The following CAMSAP1 variants were observed in gnomAD, a reference collection of about 807,000 sequenced individuals.
The protein encoded by CAMSAP1 is calmodulin-regulated spectrin-associated protein 1.
Under a neutral mutation model 143.5 loss-of-function variants are expected in CAMSAP1, and 58 were observed. The ratio of observed to expected loss-of-function variants is 0.40; its 90% CI spans 0.33 to 0.50. CAMSAP1 has a LOEUF of 0.50. Among genes scored for constraint, CAMSAP1 ranks in the 20% least tolerant of loss-of-function variants. CAMSAP1 has a pLI of 0.45. For synonymous variants in CAMSAP1, 945 were observed against 859.3 expected (o/e 1.10, Z -1.74); for missense variants, 1,969 against 2,115.7 (o/e 0.93, Z 1.36).
At position 135,820,640 on chromosome 9, in the gene CAMSAP1, G is replaced by A. The variant is rs1386879816; in HGVS notation, c.3822+199C>T. 1.3e-5 allele frequency among the ~76,000 whole-genome samples: 2 copies of A among 152,142 alleles called. No homozygotes were observed. Among genetic ancestry groups the A allele is most frequent in the Non-Finnish European group, 2.9e-5 (2 of 68,038 alleles). ...AGCCACACCACGCTCACTTGCATGC[G>A]TATTGCCCGGGACTGCTTCTGGCCA... is the stretch of plus-strand genomic sequence containing the variant. On this transcript the variant is annotated intron_variant, in intron 11 of 16. Coordinates refer to ENST00000389532, the MANE Select transcript of CAMSAP1 (RefSeq NM_015447.4). This position sits in a 1 kb window ranked among gnomAD's most constrained non-coding sequence, Gnocchi z 4.4.
chr9:135,834,017 T>C (rs1192024636), intron 7 of CAMSAP1, among the ~76,000 whole-genome samples: 2 of 152,194 alleles, frequency 1.3e-5, no homozygotes, highest in Non-Finnish European at 2.9e-5. Flanking sequence ...GGCATTTTTT[T>C]CCAAAGAAGA....
At position 135,822,592 on chromosome 9, in the gene CAMSAP1, G is replaced by A. The variant is rs574324363; in HGVS notation, c.2069C>T (p.Pro690Leu). Residue 690 changes from proline (P) to leucine (L), a missense_variant, in exon 11 of 17, where the codon CCG becomes CTG. Pro to Leu is a moderately conservative substitution (Grantham distance 98). Around this residue, in one of 4 missense-constraint regions of CAMSAP1, gnomAD observed 1,390 missense variants for 1,420.8 expected, o/e 0.98. Coordinates refer to ENST00000389532, the MANE Select transcript of CAMSAP1 (RefSeq NM_015447.4). This position sits in a 1 kb window ranked among gnomAD's most constrained non-coding sequence, Gnocchi z 6.1. ...GGPLALGGFD[P>L]FPQGPSTDGF... ...ATCCGTGGATGGTCCCTGGGGGAAC[G>A]GATCGAATCCGCCAAGGGCCAGAGG... 15 of 1,613,350 alleles carry A rather than the reference G, an allele frequency of 9.3e-6. No homozygotes were observed. The highest frequency in any genetic ancestry group is 6.6e-5 in the South Asian group (6 of 91,038).
chr9:135,815,081 G>GA lies in CAMSAP1; in HGVS notation c.4506+15dup, dbSNP rs773877792. 1 of 1,563,876 alleles carries GA rather than the reference G, an allele frequency of 6.4e-7. No homozygotes were observed. Among genetic ancestry groups the GA allele is most frequent in the South Asian group, 1.1e-5 (1 of 88,058 alleles). ...TTTATTCCACATAAAAACTGAGGTT[G>GA]AAACATGATACTTGCCTCCAATATG... On this transcript the variant is annotated intron_variant, in intron 16 of 16. Transcript: ENST00000389532.
chr9:135,885,763 G>A (rs1331695919), intron 1 of CAMSAP1, among the ~76,000 whole-genome samples: 2 of 152,162 alleles, frequency 1.3e-5, no homozygotes, highest in East Asian at 3.8e-4. Flanking sequence ...ATAAATTTCA[G>A]ATGCAGGAAA....
In CAMSAP1 at chr9:135,886,416, G is replaced by A. The variant is rs145043467; in HGVS notation, c.161-3338C>T. On this transcript the variant is annotated intron_variant, in intron 1 of 16. Transcript: ENST00000389532. ...GATGTGCAGGTGGAGAAGTTTCTTA[G>A]GGAAGGAAGCAGCCAGTAGGGGGGT... Among the ~76,000 whole-genome samples the A allele has an allele frequency of 7.0e-3, 1,071 of 152,292 alleles. 5 individuals are homozygous for A. Among genetic ancestry groups the A allele is most frequent in the Non-Finnish European group, 0.011 (741 of 68,008 alleles).
intron 5 of CAMSAP1, among the ~76,000 whole-genome samples, chr9:135,852,427 G>C (rs10117308): frequency 0.015 from 2,316 of 152,290 alleles, 54 homozygotes; most frequent in African/African-American, 0.052. Context: ...CATCATAAAA[G>C]TATTTGCCTT....
intron 7 of CAMSAP1, chr9:135,836,390 C>T (rs753782119): frequency 1.9e-5 from 19 of 984,798 alleles, no homozygotes; most frequent in Non-Finnish European, 2.0e-5. Flanking sequence ...TACAGACACA[C>T]GTTACCACGC....
intron 7 of CAMSAP1, among the ~76,000 whole-genome samples, chr9:135,837,988 C>T (rs1354091602): frequency 6.6e-6 from 1 of 150,664 alleles, no homozygotes; most frequent in Non-Finnish European, 1.5e-5. Flanking sequence ...TCATCACACG[C>T]TTTCTACCCC....
At chr9:135,892,069 A>G (rs891893343) in intron 1 of CAMSAP1, among the ~76,000 whole-genome samples, 2 of 152,236 alleles carry the variant, frequency 1.3e-5, no homozygotes, top group Admixed American at 6.5e-5. Context: ...CACTGTCGGT[A>G]GAGAAAAGGT....
At chr9:135,901,290 G>A (rs551536083) in intron 1 of CAMSAP1, among the ~76,000 whole-genome samples, 8 of 152,020 alleles carry the variant, frequency 5.3e-5, no homozygotes, top group African/African-American at 1.9e-4. Context: ...TCCCTCTGCC[G>A]ACAGACAGGC....
chr9:135,818,443 G>A lies in CAMSAP1; in HGVS notation c.4133C>T (p.Ser1378Leu), dbSNP rs764373953. 9 of 1,597,934 alleles carry A rather than the reference G, an allele frequency of 5.6e-6. No individual in the cohort carries two copies. In the East Asian group the frequency reaches 1.8e-4, roughly 32 times the overall value. ...GCACTTGGTGCCGGAGTCGCTGCAC[G>A]ACTCTTCCCGGTGCACCGACTTCGG... ...PRPKSVHREE[S>L]CSDSGTKCSS... The change falls in exon 13 of 17, where the codon TCG becomes TTG. Residue 1378 changes from serine to leucine, a missense_variant. By Grantham distance (145) the Ser-to-Leu change is moderately radical (BLOSUM62 -2). Around this residue, in one of 4 missense-constraint regions of CAMSAP1, gnomAD observed 1,390 missense variants for 1,420.8 expected, o/e 0.98. Coordinates refer to ENST00000389532, the MANE Select transcript of CAMSAP1 (RefSeq NM_015447.4). The surrounding 1 kb of genome is among the most constrained non-coding windows in gnomAD (Gnocchi z 7.7).
intron 5 of CAMSAP1, among the ~76,000 whole-genome samples, chr9:135,860,283 T>G (rs928939942): frequency 6.7e-6 from 1 of 149,562 alleles, no homozygotes; most frequent in South Asian, 2.1e-4. Flanking sequence ...GCAGGGAGAA[T>G]GTAAGAGATG....
Position 135,821,866 on chromosome 9 carries a change from G to T in CAMSAP1, c.2795C>A (p.Pro932Gln). Reference sequence around the variant, plus strand: ...AGAGTACTCCTTTGCAAAGTGCTCCGGCCTGAGGGGTGGGGCAGCCTCGGC... The same window carrying T: ...AGAGTACTCCTTTGCAAAGTGCTCCTGCCTGAGGGGTGGGGCAGCCTCGGC... ...GKAEAAPPLR[P>Q]EHFAKEYSQH... Residue 932 changes from proline to glutamine, a missense_variant, in exon 11 of 17, where the codon CCG becomes CAG. By Grantham distance (76) the Pro-to-Gln change is moderately conservative (BLOSUM62 -1). This residue lies in a region of CAMSAP1 where 1,390 missense variants were observed against 1,420.8 expected (regional missense o/e 0.98). Transcript: ENST00000389532. This position sits in a 1 kb window ranked among gnomAD's most constrained non-coding sequence, Gnocchi z 4.6. 1 of 1,614,004 alleles carries T rather than the reference G, an allele frequency of 6.2e-7. No homozygotes were observed. The highest frequency in any genetic ancestry group is 1.1e-5 in the South Asian group (1 of 91,086).
At chr9:135,878,153 A>G (rs957249585) in intron 3 of CAMSAP1, among the ~76,000 whole-genome samples, 15 of 152,224 alleles carry the variant, frequency 9.9e-5, no homozygotes, top group African/African-American at 2.9e-4. Context: ...CTCAGACGGC[A>G]GGGAGGCTCC....
At chr9:135,866,264 G>T in intron 4 of CAMSAP1, 192 bp downstream of exon 4, 1 of 547,490 alleles carries the variant, frequency 1.8e-6, no homozygotes. Context: ...CCCAGGAGAG[G>T]CGGGGCAGGC....
rs1273275569 is a variant in CAMSAP1 at position 135,811,480 on chromosome 9, G to A, written c.4638C>T (p.Asn1546=). The change falls in exon 17 of 17, where the codon AAC becomes AAT. Residue 1546 remains asparagine (N), a synonymous_variant. Transcript: ENST00000389532. This position sits in a 1 kb window ranked among gnomAD's most constrained non-coding sequence, Gnocchi z 4.9. ...GTTTGTCGATCATTTTCTTGGTGAT[G>A]TTCTTTGGCCCCGTGCCAGTGAGTT... ...IYKLTGTGPK[N]ITKKMIDKLY... 3.1e-6 allele frequency: 5 copies of A among 1,611,496 alleles called. No individual in the cohort carries two copies. In the East Asian group the frequency reaches 8.9e-5, roughly 29 times the overall value.
chr9:135,872,194 G>A (rs1330332724), intron 3 of CAMSAP1, among the ~76,000 whole-genome samples: 1 of 152,158 alleles, frequency 6.6e-6, no homozygotes, highest in Non-Finnish European at 1.5e-5. Context: ...AAATTATGTG[G>A]ATAAATATTA....
chr9:135,848,341 G>T (rs1836650700), intron 7 of CAMSAP1, among the ~76,000 whole-genome samples: 1 of 152,050 alleles, frequency 6.6e-6, no homozygotes, highest in Non-Finnish European at 1.5e-5. Flanking sequence ...TTGTAAAATA[G>T]TGCACGCACA....
At chr9:135,897,270 A>T (rs1419861017) in intron 1 of CAMSAP1, among the ~76,000 whole-genome samples, 7 of 151,942 alleles carry the variant, frequency 4.6e-5, no homozygotes, top group Non-Finnish European at 1.0e-4. Flanking sequence ...CTCCCACCTC[A>T]GCCTCCTGAG....
Sources: allele counts gnomAD v4.1 joint callset (sites outside exome capture counted in the v4.1 genomes callset), GRCh38; gene constraint gnomAD v4.1.1; regional missense constraint gnomAD v4.1.1; non-coding constraint Gnocchi (gnomAD v3.1); transcripts MANE v1.5; gene names NCBI Gene and HGNC (gene_info 2026-07-23, HGNC 2026-07-21).